The following GRAMD2A variants were observed in gnomAD, a reference collection of about 807,000 sequenced individuals.
GRAMD2A encodes the protein GRAM domain-containing protein 2A.
GRAMD2A carries 37 observed loss-of-function variants against 51.1 expected under a neutral mutation model. The observed-to-expected ratio is 0.72, with a 90% CI of 0.56 to 0.95. The LOEUF is 0.95. Among genes scored for constraint, GRAMD2A ranks in the 40% least tolerant of loss-of-function variants. The pLI is 0.00. For missense variants in GRAMD2A, 414 were observed against 426.9 expected (o/e 0.97, Z 0.27); for synonymous variants, 136 against 157.1 (o/e 0.87, Z 1.01).
chr15:72,194,134 G>A (rs1295876939), intron 1 of GRAMD2A, among the ~76,000 whole-genome samples: 2 of 152,250 alleles, frequency 1.3e-5, no homozygotes, highest in African/African-American at 4.8e-5. Context: ...ATAGCGCACA[G>A]TGGCCAAGGC....
chr15:72,174,509 C>G (rs2081637670), intron 1 of GRAMD2A, among the ~76,000 whole-genome samples: 1 of 152,144 alleles, frequency 6.6e-6, no homozygotes, highest in African/African-American at 2.4e-5. Flanking sequence ...GTCCTGGAAG[C>G]CATAAAAAAC....
At chr15:72,180,437 TG>T (rs1379354858) in intron 1 of GRAMD2A, among the ~76,000 whole-genome samples, 1 of 152,182 alleles carries the variant, frequency 6.6e-6, no homozygotes, top group African/African-American at 2.4e-5. Flanking sequence ...CCTGTGCTCT[TG>T]GGGGCCGCCC....
intron 1 of GRAMD2A, among the ~76,000 whole-genome samples, chr15:72,180,476 C>T (rs1007883163): frequency 1.3e-5 from 2 of 152,232 alleles, no homozygotes; most frequent in African/African-American, 2.4e-5. Context: ...AGTGAGGGGG[C>T]CTGCAGACAG....
At chr15:72,162,101 C>G in intron 11 of GRAMD2A, 89 bp from the exon 12 acceptor site, 1 of 1,538,580 alleles carries the variant, frequency 6.5e-7, no homozygotes, top group Non-Finnish European at 9.0e-7. Flanking sequence ...TTTACTTCCC[C>G]CAAGAGTGGG....
In GRAMD2A at chr15:72,170,200, A is replaced by G; in HGVS notation, c.42-261T>C. ...TATGCCTAGGCTGGGAGGAAAATCA[A>G]CCTGTCTACCTCATCTCCAGTGCCA... On this transcript the variant is annotated intron_variant, in intron 1 of 11. Transcript: ENST00000309731. This position sits in a 1 kb window ranked among gnomAD's most constrained non-coding sequence, Gnocchi z 4.5. The G allele has an allele frequency of 1.7e-6, 1 of 594,368 alleles. No homozygotes were observed. The highest frequency in any genetic ancestry group is 1.5e-5 in the South Asian group (1 of 65,746). 36.8% of individuals were successfully genotyped at this position (594,368 alleles called of 1,614,324 possible).
chr15:72,180,223 G>A lies in GRAMD2A; in HGVS notation c.42-10284C>T, dbSNP rs536145736. 1.7e-4 allele frequency among the ~76,000 whole-genome samples: 26 copies of A among 152,326 alleles called. 1 individual carries two copies. In the South Asian group the frequency reaches 5.0e-3, roughly 29 times the overall value. On this transcript the variant is annotated intron_variant, in intron 1 of 11. Coordinates refer to ENST00000309731, the MANE Select transcript of GRAMD2A (RefSeq NM_001012642.3). Reference sequence around the variant, plus strand: ...AAAGCATAGGCCAAATCACAGAGCCGGCTCTGCAGAGAGTGCCCTGCCGGC... The same window carrying A: ...AAAGCATAGGCCAAATCACAGAGCCAGCTCTGCAGAGAGTGCCCTGCCGGC...
rs2081597257 is a variant in GRAMD2A, at chr15:72,170,305, C to T, written c.42-366G>A. On this transcript the variant is annotated intron_variant, in intron 1 of 11. Coordinates refer to ENST00000309731, the MANE Select transcript of GRAMD2A (RefSeq NM_001012642.3). This position sits in a 1 kb window ranked among gnomAD's most constrained non-coding sequence, Gnocchi z 4.5. ...CACTGAGAGGGAGGACCCTGAGACT[C>T]GCTTATGCCGAGAACAAAAGTGTCC... 2.1e-6 allele frequency: 1 copy of T among 479,290 alleles called. No homozygotes were observed. Among genetic ancestry groups the T allele is most frequent in the Non-Finnish European group, 4.1e-6 (1 of 242,628 alleles). 29.7% of individuals were successfully genotyped at this position (479,290 alleles called of 1,614,324 possible). A position where few individuals can be genotyped will look rare whatever the true frequency, so the allele number is the denominator to read the frequency against.
intron 2 of GRAMD2A, 194 bp from the exon 3 acceptor site, chr15:72,169,190 A>AG (rs1284051482): frequency 3.3e-6 from 2 of 609,956 alleles, no homozygotes; most frequent in African/African-American, 3.7e-5. Flanking sequence ...TCCCTGGGGG[A>AG]GGGCACTGCG....
chr15:72,177,303 T>A (rs368832310), intron 1 of GRAMD2A, among the ~76,000 whole-genome samples: 23 of 152,312 alleles, frequency 1.5e-4, no homozygotes, highest in East Asian at 9.6e-4. Context: ...GAAAAGCACA[T>A]GTTAAGTAAA....
intron 1 of GRAMD2A, among the ~76,000 whole-genome samples, chr15:72,181,107 AGAAGTG>A (rs1050931630): frequency 2.0e-5 from 3 of 152,236 alleles, no homozygotes; most frequent in African/African-American, 7.2e-5. Flanking sequence ...CCCCAAGGCC[AGAAGTG>A]TGCAGCATGT....
chr15:72,189,266 A>G (rs1162352397), intron 1 of GRAMD2A, among the ~76,000 whole-genome samples: 1 of 152,222 alleles, frequency 6.6e-6, no homozygotes, highest in Non-Finnish European at 1.5e-5. Flanking sequence ...CAACAGAAAA[A>G]TAAAGCTTTG....
intron 1 of GRAMD2A, among the ~76,000 whole-genome samples, chr15:72,189,347 A>T (rs1335789474): frequency 6.6e-6 from 1 of 152,254 alleles, no homozygotes; most frequent in African/African-American, 2.4e-5. Flanking sequence ...GTCCACACAC[A>T]TGCAGAGACA....
chr15:72,182,485 T>C (rs966788417), intron 1 of GRAMD2A, among the ~76,000 whole-genome samples: 9 of 149,274 alleles, frequency 6.0e-5, no homozygotes, highest in African/African-American at 2.2e-4. Context: ...ACCGAAAGCA[T>C]AAGAAACAGA....
chr15:72,186,779 T>C (rs1026918066), intron 1 of GRAMD2A, among the ~76,000 whole-genome samples: 1 of 152,066 alleles, frequency 6.6e-6, no homozygotes, highest in East Asian at 1.9e-4. Context: ...TCCTATGCAA[T>C]TGATAAAAAA....
chr15:72,170,320 C>A lies in GRAMD2A; in HGVS notation c.42-381G>T. The A allele has an allele frequency of 2.1e-6, 1 of 467,782 alleles. No individual in the cohort carries two copies. Among genetic ancestry groups the A allele is most frequent in the Non-Finnish European group, 4.3e-6 (1 of 234,904 alleles). The allele number at this position is 467,782 out of a possible 1,614,324, so 29.0% of individuals were successfully genotyped here. ...CCCTGAGACTCGCTTATGCCGAGAA[C>A]AAAAGTGTCCAAAGTACCCGCGCAG... On this transcript the variant is annotated intron_variant, in intron 1 of 11. Transcript: ENST00000309731. This position sits in a 1 kb window ranked among gnomAD's most constrained non-coding sequence, Gnocchi z 4.5.
chr15:72,186,152 C>A (rs563000351), intron 1 of GRAMD2A, among the ~76,000 whole-genome samples: 1 of 152,084 alleles, frequency 6.6e-6, no homozygotes, highest in African/African-American at 2.4e-5. Context: ...AACAATCTAT[C>A]TTACCTATTT....
chr15:72,179,557 G>A (rs977778239), intron 1 of GRAMD2A, among the ~76,000 whole-genome samples: 1 of 152,220 alleles, frequency 6.6e-6, no homozygotes, highest in African/African-American at 2.4e-5. Context: ...AGGAGAGCAC[G>A]AACTGGCTCC....
chr15:72,191,314 C>G (rs1310993002), intron 1 of GRAMD2A, among the ~76,000 whole-genome samples: 1 of 152,088 alleles, frequency 6.6e-6, no homozygotes, highest in African/African-American at 2.4e-5. Context: ...ATTCTCCTGC[C>G]TCAACCTCCT....
intron 1 of GRAMD2A, among the ~76,000 whole-genome samples, chr15:72,187,165 GA>G (rs370424887): frequency 0.028 from 3,409 of 121,886 alleles, 126 homozygotes; most frequent in African/African-American, 0.098. Context: ...TGTCTCAAAA[GA>G]AAAAAAAAAG....
Sources: gnomAD v4.1 joint callset for allele counts (sites outside exome capture counted in the v4.1 genomes callset) on GRCh38, gnomAD v4.1.1 for gene constraint, Gnocchi (gnomAD v3.1) non-coding constraint, MANE v1.5 for transcripts, NCBI Gene and HGNC (gene_info 2026-07-23, HGNC 2026-07-21) for gene names.